The following NCALD variants were observed in gnomAD, a reference collection of about 807,000 sequenced individuals.
The protein encoded by NCALD is neurocalcin-delta.
In NCALD, 10 loss-of-function variants were observed where a neutral mutation model predicts 18.6. The ratio of observed to expected loss-of-function variants is 0.54; its 90% CI spans 0.33 to 0.91. The LOEUF (loss-of-function observed/expected upper bound fraction) is 0.91, where lower values mean the gene tolerates loss of function less well. Among genes scored for constraint, NCALD ranks in the 40% least tolerant of loss-of-function variants. The probability of loss-of-function intolerance (pLI) is 0.03; values close to 1 mark genes in which losing one functional copy is unlikely to be tolerated. For missense variants in NCALD, 184 were observed against 247.6 expected (o/e 0.74, Z 1.72); for synonymous variants, 88 against 87.4 (o/e 1.01, Z -0.04).
At chr8:101,876,754 A>G (rs1045286721) in intron 4 of NCALD, among the ~76,000 whole-genome samples, 1 of 152,252 alleles carries the variant, frequency 6.6e-6, no homozygotes, top group African/African-American at 2.4e-5. Context: ...TGCTGCTCAA[A>G]TAAAATAATA....
intron 2 of NCALD, among the ~76,000 whole-genome samples, chr8:101,701,563 C>A (rs957149161): frequency 5.3e-5 from 8 of 152,168 alleles, no homozygotes; most frequent in African/African-American, 1.9e-4. Context: ...TTTAATTTTT[C>A]TCTTTGAAGG....
At chr8:102,035,316 A>G (rs1223963394) in intron 1 of NCALD, among the ~76,000 whole-genome samples, 1 of 152,112 alleles carries the variant, frequency 6.6e-6, no homozygotes, top group East Asian at 1.9e-4. Context: ...CCTTTTACCC[A>G]TTGATATTGG....
chr8:101,805,653 A>G (rs1177035476), intron 4 of NCALD, among the ~76,000 whole-genome samples: 2 of 152,128 alleles, frequency 1.3e-5, no homozygotes, highest in African/African-American at 2.4e-5. Flanking sequence ...GCTCTCCCCC[A>G]AAGGAGCTGA....
intron 1 of NCALD, among the ~76,000 whole-genome samples, chr8:101,727,034 G>A (rs188307234): frequency 1.3e-4 from 20 of 152,286 alleles, no homozygotes; most frequent in Non-Finnish European, 2.4e-4. Context: ...CCTCTTCAGT[G>A]TTGTGTCCTT....
chr8:102,076,140 GA>G (rs1824339408), intron 1 of NCALD, among the ~76,000 whole-genome samples: 1 of 151,832 alleles, frequency 6.6e-6, no homozygotes. Flanking sequence ...ATAGTATAAA[GA>G]CCAAAAAGGA....
At chr8:102,023,693 C>A (rs2132111132) in intron 1 of NCALD, among the ~76,000 whole-genome samples, 1 of 152,324 alleles carries the variant, frequency 6.6e-6, no homozygotes. Context: ...AGGAAAGGGG[C>A]TTTCCAGTTC....
chr8:101,798,645 T>C (rs765589429), intron 4 of NCALD, among the ~76,000 whole-genome samples: 1 of 152,194 alleles, frequency 6.6e-6, no homozygotes, highest in South Asian at 2.1e-4. Flanking sequence ...GTTACAGATA[T>C]ATATAAAATT....
intron 1 of NCALD, among the ~76,000 whole-genome samples, chr8:101,769,354 TC>T (rs1319646843): frequency 6.6e-6 from 1 of 152,200 alleles, no homozygotes; most frequent in Non-Finnish European, 1.5e-5. Context: ...TCCTAGTATT[TC>T]AAACAGCTCA....
intron 1 of NCALD, among the ~76,000 whole-genome samples, chr8:102,084,479 A>G (rs969679373): frequency 6.6e-6 from 1 of 152,236 alleles, no homozygotes; most frequent in Non-Finnish European, 1.5e-5. Context: ...AGTCAAATGC[A>G]TGGCTTGAAC....
intron 4 of NCALD, chr8:101,872,446 T>A (rs1036832551): frequency 5.0e-6 from 5 of 997,198 alleles, no homozygotes; most frequent in African/African-American, 1.6e-5. Context: ...GTGCTGCTCC[T>A]CTTCTGCCTT....
chr8:102,067,560 C>G (rs1192945704), intron 1 of NCALD, among the ~76,000 whole-genome samples: 1 of 152,172 alleles, frequency 6.6e-6, no homozygotes, highest in African/African-American at 2.4e-5. Flanking sequence ...CATTATCTTT[C>G]TGAATCATCA....
Position 101,844,465 on chromosome 8 carries a change from C to T in NCALD, c.-20+42676G>A, listed in dbSNP as rs529259992. On this transcript the variant is annotated intron_variant, in intron 4 of 6. Transcript: ENST00000311028. ...CTTCAACCCCTGGGCTCTAGCAATC[C>T]TTCTGCCTCATTTTCCCCTGAGTAG... is the stretch of plus-strand genomic sequence containing the variant. Among the ~76,000 whole-genome samples the T allele has an allele frequency of 3.9e-5, 6 of 152,004 alleles. No individual in the cohort carries two copies. The South Asian group carries it at 1.2e-3, about 32-fold the overall frequency.
intron 2 of NCALD, among the ~76,000 whole-genome samples, chr8:101,976,855 C>A (rs770016266): frequency 3.3e-5 from 5 of 152,086 alleles, no homozygotes; most frequent in Non-Finnish European, 7.3e-5. Context: ...TCTTAAATTA[C>A]TACTGTGGTA....
At chr8:101,793,484 C>A (rs1048882000), upstream of NCALD, among the ~76,000 whole-genome samples, 8 of 152,084 alleles carry the variant, frequency 5.3e-5, no homozygotes, top group Non-Finnish European at 1.2e-4. Flanking sequence ...TACTCATTTT[C>A]CTTTGCAAAC....
At chr8:101,793,237 C>T (rs1028059620), upstream of NCALD, among the ~76,000 whole-genome samples, 1 of 151,850 alleles carries the variant, frequency 6.6e-6, no homozygotes. Flanking sequence ...GTATTCCCAG[C>T]TACTCAGGAG....
chr8:101,859,138 C>A lies in NCALD; in HGVS notation c.-20+28003G>T, dbSNP rs541309998. Among the ~76,000 whole-genome samples, 30 of 152,222 alleles carry A rather than the reference C, an allele frequency of 2.0e-4. 1 individual carries two copies. The East Asian group carries it at 5.6e-3, about 28-fold the overall frequency. On this transcript the variant is annotated intron_variant, in intron 4 of 6. Transcript: ENST00000311028. ...GCCAGCATGGCTAGAATAAAGCAGG[C>A]AGAAGTTGGAAGGACTGGGCTTGCT...
chr8:102,096,742 G>A (rs924426200), intron 1 of NCALD, among the ~76,000 whole-genome samples: 11 of 152,206 alleles, frequency 7.2e-5, no homozygotes, highest in African/African-American at 2.7e-4. Flanking sequence ...TTTGGACTCA[G>A]GAAGATTCTG....
At chr8:101,706,118 G>T (rs1586254997) in intron 2 of NCALD, among the ~76,000 whole-genome samples, 2 of 152,258 alleles carry the variant, frequency 1.3e-5, no homozygotes, top group Middle Eastern at 6.8e-3. Context: ...ACTATTAATT[G>T]CTCATATCTA....
At chr8:102,035,133 C>T (rs970883029) in intron 1 of NCALD, among the ~76,000 whole-genome samples, 1 of 152,116 alleles carries the variant, frequency 6.6e-6, no homozygotes, top group Non-Finnish European at 1.5e-5. Flanking sequence ...AGTGCAAGGT[C>T]TCGCCCAGTG....
Sources: gnomAD v4.1 joint callset for allele counts (sites outside exome capture counted in the v4.1 genomes callset) on GRCh38, gnomAD v4.1.1 for gene constraint, MANE v1.5 for transcripts, NCBI Gene and HGNC (gene_info 2026-07-23, HGNC 2026-07-21) for gene names.